The following IL1RAPL2 variants were observed in gnomAD, a reference collection of about 807,000 sequenced individuals.
IL1RAPL2 encodes the protein X-linked interleukin-1 receptor accessory protein-like 2.
A neutral mutation model predicts 44.1 loss-of-function variants in IL1RAPL2; 3 were observed. The observed-to-expected ratio is 0.07, with a 90% CI of 0.03 to 0.18. The LOEUF is 0.18. Ranked by LOEUF, IL1RAPL2 falls within the 10% of genes least tolerant of loss-of-function variation. The pLI is 1.00. For missense variants in IL1RAPL2, 391 were observed against 496.4 expected, an observed-to-expected ratio of 0.79 and a Z score of 2.02; for synonymous variants, 181 against 178.8, an observed-to-expected ratio of 1.01 and a Z score of -0.10.
chrX:105,377,269 G>A (rs958968115), intron 5 of IL1RAPL2, among the ~76,000 whole-genome samples: 1 of 110,811 alleles, frequency 9.0e-6, no homozygotes, highest in Admixed American at 9.7e-5. Flanking sequence ...TCTTCAAATT[G>A]CTGCCTGTAA....
chrX:105,758,163 T>C (rs2038655409), intron 10 of IL1RAPL2, among the ~76,000 whole-genome samples: 1 of 111,497 alleles, frequency 9.0e-6, no homozygotes, highest in Non-Finnish European at 1.9e-5. Context: ...GACTACTCCT[T>C]CCTCTGAAAA....
chrX:104,830,596 G>A (rs1296659096), intron 2 of IL1RAPL2, among the ~76,000 whole-genome samples: 1 of 111,466 alleles, frequency 9.0e-6, no homozygotes, highest in Non-Finnish European at 1.9e-5. Flanking sequence ...CATCAGTTTT[G>A]TCCATGTTGT....
intron 6 of IL1RAPL2, among the ~76,000 whole-genome samples, chrX:105,607,635 C>CAAAA (rs11377516): frequency 1.3e-4 from 2 of 15,724 alleles, no homozygotes; most frequent in Non-Finnish European, 2.2e-4. Flanking sequence ...ATTCAGCAGA[C>CAAAA]AAAAAAAAAA....
In IL1RAPL2 at chrX:104,689,858, G is replaced by A. The variant is rs143970988; in HGVS notation, c.82+30863G>A. ...CACATAGATGGTAATGACCTCAAAG[G>A]TATTTAAAATATAGGTGAAAAGAAC... On this transcript the variant is annotated intron_variant, in intron 2 of 10. Transcript: ENST00000372582. Among the ~76,000 whole-genome samples the A allele has an allele frequency of 5.9e-3, 656 of 111,827 alleles. 3 individuals carry two copies. Among genetic ancestry groups the A allele is most frequent in the African/African-American group, 0.02 (623 of 30,805 alleles).
intron 3 of IL1RAPL2, among the ~76,000 whole-genome samples, chrX:105,231,384 G>A (rs1418635625): frequency 8.9e-6 from 1 of 111,785 alleles, no homozygotes; most frequent in Non-Finnish European, 1.9e-5. Flanking sequence ...TACAAGGAAT[G>A]TGATATTTGA....
intron 2 of IL1RAPL2, among the ~76,000 whole-genome samples, chrX:104,998,407 G>A (rs2147735090): frequency 9.0e-6 from 1 of 111,064 alleles, no homozygotes; most frequent in South Asian, 3.9e-4. Flanking sequence ...TTGAAGGAAA[G>A]TAGAGAAATG....
intron 2 of IL1RAPL2, among the ~76,000 whole-genome samples, chrX:104,666,096 AGTGT>A (rs775436800): frequency 3.8e-5 from 4 of 106,189 alleles, no homozygotes; most frequent in African/African-American, 1.0e-4. Context: ...TAACCTTAAA[AGTGT>A]GTGTGTGTGT....
chrX:105,567,219 C>T (rs1250980532), intron 6 of IL1RAPL2, among the ~76,000 whole-genome samples: 1 of 111,292 alleles, frequency 9.0e-6, no homozygotes, highest in Non-Finnish European at 1.9e-5. Context: ...GGGAGTGATA[C>T]AGACAGATGG....
chrX:105,237,606 C>T (rs1226782551), intron 4 of IL1RAPL2, among the ~76,000 whole-genome samples: 1 of 112,097 alleles, frequency 8.9e-6, no homozygotes, highest in Non-Finnish European at 1.9e-5. Flanking sequence ...TGATGATGAG[C>T]ATTTTTTCAT....
At chrX:105,190,456 GC>G (rs1430401117) in intron 2 of IL1RAPL2, among the ~76,000 whole-genome samples, 1 of 112,147 alleles carries the variant, frequency 8.9e-6, no homozygotes, top group African/African-American at 3.2e-5. Flanking sequence ...TTTATGAATT[GC>G]CCCCCAACAA....
intron 5 of IL1RAPL2, among the ~76,000 whole-genome samples, chrX:105,350,318 G>T (rs2035142602): frequency 8.9e-6 from 1 of 112,341 alleles, no homozygotes; most frequent in African/African-American, 3.2e-5. Context: ...CCAAACTATG[G>T]TCTCTGGACC....
chrX:105,317,451 T>C (rs375613872), intron 5 of IL1RAPL2, among the ~76,000 whole-genome samples: 6 of 112,316 alleles, frequency 5.3e-5, no homozygotes, highest in African/African-American at 1.9e-4. Context: ...TTTATCTGTA[T>C]GTCTTGAGAT....
chrX:105,104,278 T>C (rs1278196374), intron 2 of IL1RAPL2, among the ~76,000 whole-genome samples: 1 of 111,540 alleles, frequency 9.0e-6, no homozygotes. Flanking sequence ...TGCTCTGTTT[T>C]GGAGAAAGTT....
intron 5 of IL1RAPL2, among the ~76,000 whole-genome samples, chrX:105,334,072 C>T (rs1306269175): frequency 8.9e-6 from 1 of 112,128 alleles, no homozygotes; most frequent in African/African-American, 3.2e-5. Flanking sequence ...ATCTACACTC[C>T]AGTGTTTGTT....
rs781744722 is a variant in IL1RAPL2, at chrX:105,604,049, GA to G, written c.773-113310del. Among the ~76,000 whole-genome samples, 12 of 109,388 alleles carry G rather than the reference GA, an allele frequency of 1.1e-4. No individual in the cohort carries two copies. The East Asian group carries it at 1.7e-3, about 16-fold the overall frequency. The allele number at this position is 109,388 out of a possible 115,157, so 95.0% of individuals were successfully genotyped here. ...AGTTCATAAGAATAAACACCTACAT[GA>G]AAAAAAAGTAGAAAGATTTCAAATA... On this transcript the variant is annotated intron_variant, in intron 6 of 10. Coordinates refer to ENST00000372582, the MANE Select transcript of IL1RAPL2 (RefSeq NM_017416.2).
At chrX:104,929,179 T>G (rs1395202453) in intron 2 of IL1RAPL2, among the ~76,000 whole-genome samples, 5 of 111,691 alleles carry the variant, frequency 4.5e-5, no homozygotes, top group Admixed American at 3.8e-4. Context: ...ACTTAGCAAA[T>G]GTGGCACTGA....
chrX:104,572,055 T>C (rs1016374082), intron 1 of IL1RAPL2, among the ~76,000 whole-genome samples: 25 of 112,402 alleles, frequency 2.2e-4, no homozygotes, highest in Non-Finnish European at 4.7e-4. Context: ...TATTATGTTA[T>C]GAATTTTTAA....
chrX:104,618,590 A>G (rs1025844890), intron 1 of IL1RAPL2, among the ~76,000 whole-genome samples: 1 of 111,254 alleles, frequency 9.0e-6, no homozygotes, highest in Admixed American at 9.5e-5. Context: ...GGACCCCTGC[A>G]CCAATATTTC....
At chrX:105,419,458 G>C (rs16984763) in intron 5 of IL1RAPL2, among the ~76,000 whole-genome samples, 3,439 of 111,266 alleles carry the variant, frequency 0.031, 140 homozygotes, top group African/African-American at 0.11. Flanking sequence ...AGGATTCCAC[G>C]TCTCACTATT....
Sources: allele counts gnomAD v4.1 joint callset (sites outside exome capture counted in the v4.1 genomes callset), GRCh38; gene constraint gnomAD v4.1.1; transcripts MANE v1.5; gene names NCBI Gene and HGNC (gene_info 2026-07-23, HGNC 2026-07-21).